Variants in CPNE2 observed in about 807,000 individuals in gnomAD.
CPNE2 encodes copine 2, also known as copine-2.
In CPNE2, 42 loss-of-function variants were observed where a neutral mutation model predicts 69.7. The observed-to-expected ratio is 0.60, with a 90% CI of 0.47 to 0.78. The LOEUF is 0.78. Among genes scored for constraint, CPNE2 ranks in the 30% least tolerant of loss-of-function variants. The pLI is 0.00. For missense variants in CPNE2, 587 were observed against 732.0 expected (o/e 0.80, Z 2.29); for synonymous variants, 294 against 289.8 (o/e 1.01, Z -0.15).
chr16:57,124,466 G>A (rs2069786231), intron 10 of CPNE2: 1 of 435,486 alleles, frequency 2.3e-6, no homozygotes, highest in Non-Finnish European at 4.7e-6. Context: ...GCACCCACTG[G>A]AATGTGAGTG....
intron 5 of CPNE2, among the ~76,000 whole-genome samples, chr16:57,118,648 A>AGATGGATGGATGGATGGATGGATGGATG (rs3054318): frequency 7.1e-6 from 1 of 141,678 alleles, no homozygotes; most frequent in Non-Finnish European, 1.5e-5. Context: ...GAGACCCCAT[A>AGATGGATGGATGGATGGATGGATGGATG]GATGGATGGA....
At chr16:57,120,134 A>C (rs193300714) in intron 7 of CPNE2, among the ~76,000 whole-genome samples, 4 of 152,154 alleles carry the variant, frequency 2.6e-5, no homozygotes, top group Non-Finnish European at 5.9e-5. Flanking sequence ...TTAGCCGAGC[A>C]TGGCGGTGCA....
chr16:57,093,061 C>G (rs2069554337), intron 1 of CPNE2, among the ~76,000 whole-genome samples: 1 of 152,186 alleles, frequency 6.6e-6, no homozygotes, highest in East Asian at 1.9e-4. Context: ...CTCGGGGGTC[C>G]GAGCCCAGCT....
chr16:57,111,498 T>C (rs2069682020), intron 2 of CPNE2, among the ~76,000 whole-genome samples: 1 of 152,222 alleles, frequency 6.6e-6, no homozygotes, highest in Non-Finnish European at 1.5e-5. Context: ...TTGTTATATA[T>C]AGTTAACATT....
Position 57,147,627 on chromosome 16 carries a change from A to G in CPNE2, c.1616A>G (p.Asn539Ser). The G allele has an allele frequency of 6.2e-7, 1 of 1,603,710 alleles. No individual in the cohort carries two copies. The highest frequency in any genetic ancestry group is 8.5e-7 in the Non-Finnish European group (1 of 1,173,034). Reference protein sequence around the residue: ...QQVVQYFKHKNLPPTNSEPA With the variant: ...QQVVQYFKHKSLPPTNSEPA ...GTTGTGCAGTATTTCAAGCATAAAA[A>G]CCTGCCCCCCACCAACTCGGAGCCC... Residue 539 changes from asparagine (N) to serine (S), a missense_variant, in exon 16 of 16, where the codon AAC (asparagine) becomes AGC (serine). Asn to Ser is a conservative substitution (Grantham distance 46). This residue lies in a region of CPNE2 where 185 missense variants were observed against 252.3 expected (regional missense o/e 0.73). Transcript: ENST00000290776.
intron 9 of CPNE2, among the ~76,000 whole-genome samples, chr16:57,122,966 A>C (rs1452014906): frequency 6.6e-6 from 1 of 152,026 alleles, no homozygotes; most frequent in Non-Finnish European, 1.5e-5. Context: ...AACTCTACCA[A>C]AATTAAAAGA....
chr16:57,106,845 G>C (rs1382090432), intron 1 of CPNE2, among the ~76,000 whole-genome samples: 2 of 152,158 alleles, frequency 1.3e-5, no homozygotes, highest in African/African-American at 4.8e-5. Flanking sequence ...GGCTTCCCCA[G>C]CCCTGATCAC....
intron 15 of CPNE2, 98 bp from the exon 16 acceptor site, chr16:57,147,453 C>A: frequency 2.4e-6 from 2 of 831,788 alleles, no homozygotes; most frequent in Non-Finnish European, 3.6e-6. Flanking sequence ...TCAATGGACA[C>A]CTGCTGTAGC....
chr16:57,113,798 AC>A (rs772103394), intron 3 of CPNE2, among the ~76,000 whole-genome samples: 1 of 152,136 alleles, frequency 6.6e-6, no homozygotes, highest in African/African-American at 2.4e-5. Flanking sequence ...TTTGTGGCAG[AC>A]TCACTGTGTG....
At chr16:57,139,860 C>T (rs1357589839) in intron 14 of CPNE2, among the ~76,000 whole-genome samples, 1 of 151,980 alleles carries the variant, frequency 6.6e-6, no homozygotes, top group Non-Finnish European at 1.5e-5. Context: ...AGTCACGTCA[C>T]CTTAGTTTCC....
In CPNE2 at chr16:57,110,938, G is replaced by A; in HGVS notation, c.180+16G>A. 1 of 1,605,300 alleles carries A rather than the reference G, an allele frequency of 6.2e-7. No homozygotes were observed. Among genetic ancestry groups the A allele is most frequent in the Non-Finnish European group, 8.5e-7 (1 of 1,175,166 alleles). ...ATGGATCGAGGTGAGGCTCTTCCGT[G>A]TGTCTGCGGTGGGTAAGGGGGTGGC... On this transcript the variant is annotated intron_variant, in intron 2 of 15. Transcript: ENST00000290776.
At chr16:57,142,217 CTA>C (rs2069927439) in intron 14 of CPNE2, 1 of 152,350 alleles carries the variant, frequency 6.6e-6, no homozygotes, top group African/African-American at 2.4e-5. Flanking sequence ...GGCAGGGAGA[CTA>C]AGCCTGAGGC....
At chr16:57,147,491 A>G (rs2069967067) in intron 15 of CPNE2, 60 bp from the exon 16 acceptor site, 2 of 1,282,310 alleles carry the variant, frequency 1.6e-6, no homozygotes, top group Non-Finnish European at 2.1e-6. Context: ...GCCGCTCACA[A>G]CTTCCGGTCA....
Position 57,146,397 on chromosome 16 carries a change from C to A in CPNE2, c.1539+76C>A. The A allele has an allele frequency of 7.7e-7, 1 of 1,291,964 alleles. No homozygotes were observed. Among genetic ancestry groups the A allele is most frequent in the Non-Finnish European group, 1.1e-6 (1 of 933,956 alleles). The allele number at this position is 1,291,964 out of a possible 1,614,324, so 80.0% of individuals were successfully genotyped here. On this transcript the variant is annotated intron_variant, in intron 15 of 15. Transcript: ENST00000290776. The surrounding 1 kb of genome is among the most constrained non-coding windows in gnomAD (Gnocchi z 4.4). Reference sequence around the variant, plus strand: ...ATAGCTCATAATCAAGCTTGAGAGTCTTGGGGTTGTCTGGCCCAATCCTAG... The same window carrying A: ...ATAGCTCATAATCAAGCTTGAGAGTATTGGGGTTGTCTGGCCCAATCCTAG...
intron 14 of CPNE2, chr16:57,145,777 G>A (rs1209829532): frequency 4.9e-6 from 2 of 405,832 alleles, no homozygotes; most frequent in Admixed American, 4.0e-5. Context: ...TATAGCAACT[G>A]GCAAGGCCAG....
At chr16:57,124,413 C>T (rs775890333) in intron 10 of CPNE2, 4 of 456,168 alleles carry the variant, frequency 8.8e-6, no homozygotes, top group African/African-American at 4.0e-5. Flanking sequence ...GGGCACTTGC[C>T]GCCCCGAGAT....
rs1176283792 is a variant in CPNE2 at position 57,121,068 on chromosome 16, G to A, written c.682-25G>A. The A allele has an allele frequency of 4.4e-6, 7 of 1,591,964 alleles. No homozygotes were observed. In the Admixed American group the frequency reaches 5.0e-5, roughly 11 times the overall value. On this transcript the variant is annotated intron_variant, in intron 7 of 15. Transcript: ENST00000290776. ...AGCACCTCTTGGGGGACAGCTCTGG[G>A]GTGACCGTGCTGAACCCACCCCAGG...
chr16:57,119,506 C>G, intron 6 of CPNE2, 55 bp from the exon 7 acceptor site: 3 of 1,494,130 alleles, frequency 2.0e-6, no homozygotes, highest in Non-Finnish European at 2.8e-6. Flanking sequence ...CTGACCCAAC[C>G]CCAGAGCACT....
chr16:57,126,847 A>G (rs1282304462), intron 11 of CPNE2, among the ~76,000 whole-genome samples: 1 of 152,172 alleles, frequency 6.6e-6, no homozygotes, highest in African/African-American at 2.4e-5. Context: ...CCCATCACCG[A>G]GCTGTCTAAT....
Sources: gnomAD v4.1 joint callset for allele counts (sites outside exome capture counted in the v4.1 genomes callset) on GRCh38, gnomAD v4.1.1 for gene constraint, gnomAD v4.1.1 regional missense constraint, Gnocchi (gnomAD v3.1) non-coding constraint, MANE v1.5 for transcripts, NCBI Gene and HGNC (gene_info 2026-07-23, HGNC 2026-07-21) for gene names.